UBE2J1: variants seen among roughly 807,000 people sequenced by gnomAD.
The protein encoded by UBE2J1 is ubiquitin-conjugating enzyme E2 J1.
In UBE2J1, 17 loss-of-function variants were observed where a neutral mutation model predicts 42.1. The ratio of observed to expected loss-of-function variants is 0.40; its 90% CI spans 0.28 to 0.61. The LOEUF (loss-of-function observed/expected upper bound fraction) is 0.61. UBE2J1 is among the 20% of genes least tolerant of loss of function. UBE2J1 has a pLI of 0.38. For synonymous variants in UBE2J1, 127 were observed against 137.2 expected (o/e 0.93, Z 0.52); for missense variants, 291 against 389.4 (o/e 0.75, Z 2.13).
chr6:89,331,349 A>AT (rs1450319661), intron 7 of UBE2J1, among the ~76,000 whole-genome samples: 2 of 152,264 alleles, frequency 1.3e-5, no homozygotes, highest in African/African-American at 4.8e-5. Context: ...AATAGTCTCA[A>AT]TTAATGACCT....
intron 1 of UBE2J1, among the ~76,000 whole-genome samples, chr6:89,349,114 G>C (rs1464390397): frequency 6.6e-6 from 1 of 152,156 alleles, no homozygotes; most frequent in Non-Finnish European, 1.5e-5. Context: ...GCACACACCT[G>C]TGGTCCCTGC....
intron 6 of UBE2J1, among the ~76,000 whole-genome samples, 160 bp from the exon 7 acceptor site, chr6:89,333,365 C>T (rs542259989): frequency 8.5e-5 from 13 of 152,298 alleles, no homozygotes; most frequent in Admixed American, 1.3e-4. Flanking sequence ...GTGTCCAACA[C>T]TGTACTAGGT....
intron 7 of UBE2J1, among the ~76,000 whole-genome samples, chr6:89,331,760 A>G (rs951808337): frequency 6.6e-6 from 1 of 152,232 alleles, no homozygotes; most frequent in Admixed American, 6.5e-5. Flanking sequence ...CATCACAAAC[A>G]TTAGGAGGCT....
At position 89,328,974 on chromosome 6, in the gene UBE2J1, C is replaced by T. The variant is rs1199591972; in HGVS notation, c.*705G>A. On this transcript the variant is annotated 3_prime_UTR_variant, in exon 8 of 8. Transcript: ENST00000435041. ...TTCTTCCTTAAAAATCTATGGAAGA[C>T]TGTTTTCTTTCTTTTTAAATTTGTG... 1 of 152,112 alleles carries T rather than the reference C, an allele frequency of 6.6e-6. No individual in the cohort carries two copies. The highest frequency in any genetic ancestry group is 1.9e-4 in the East Asian group (1 of 5,194). 9.4% of individuals were successfully genotyped at this position (152,112 alleles called of 1,614,324 possible). A position where few individuals can be genotyped will look rare whatever the true frequency, so the allele number is the denominator to read the frequency against.
chr6:89,343,569 A>G, intron 2 of UBE2J1, 114 bp downstream of exon 2: 1 of 602,896 alleles, frequency 1.7e-6, no homozygotes. Context: ...TGGTGAATAA[A>G]ACGTCAAACT....
intron 5 of UBE2J1, 111 bp downstream of exon 5, chr6:89,338,094 G>T: frequency 1.5e-6 from 1 of 686,546 alleles, no homozygotes; most frequent in Non-Finnish European, 2.4e-6. Context: ...AGATCCTGTA[G>T]CTACAGTCAC....
At chr6:89,337,313 CA>C (rs1422292169) in intron 5 of UBE2J1, among the ~76,000 whole-genome samples, 1 of 144,266 alleles carries the variant, frequency 6.9e-6, no homozygotes. Context: ...CGAATGAAAA[CA>C]AATACTATGT....
chr6:89,337,464 A>G (rs1768131900), intron 5 of UBE2J1, among the ~76,000 whole-genome samples: 1 of 152,182 alleles, frequency 6.6e-6, no homozygotes, highest in Non-Finnish European at 1.5e-5. Context: ...AATCTAACTG[A>G]TTTAGCAAAT....
At chr6:89,348,757 A>G (rs1768410001) in intron 1 of UBE2J1, among the ~76,000 whole-genome samples, 1 of 152,238 alleles carries the variant, frequency 6.6e-6, no homozygotes, top group Non-Finnish European at 1.5e-5. Context: ...ATGTACAAGT[A>G]TATATAGGAA....
At chr6:89,335,227 C>T (rs140676793) in intron 6 of UBE2J1, 75 bp downstream of exon 6, 7 of 1,338,004 alleles carry the variant, frequency 5.2e-6, no homozygotes, top group South Asian at 1.8e-5. Flanking sequence ...AACTGCATCG[C>T]TTTCCTTTCT....
intron 1 of UBE2J1, among the ~76,000 whole-genome samples, chr6:89,351,879 G>A (rs1768488327): frequency 6.6e-6 from 1 of 152,166 alleles, no homozygotes; most frequent in Admixed American, 6.5e-5. Context: ...TATAAAGCAG[G>A]ATCATTAAAT....
intron 7 of UBE2J1, among the ~76,000 whole-genome samples, chr6:89,332,199 G>C (rs551066340): frequency 6.6e-6 from 1 of 152,044 alleles, no homozygotes; most frequent in East Asian, 1.9e-4. Flanking sequence ...CAATAAACTG[G>C]AGAAACAACA....
intron 7 of UBE2J1, 112 bp from the exon 8 acceptor site, chr6:89,330,069 C>A: frequency 9.7e-7 from 1 of 1,033,266 alleles, no homozygotes; most frequent in Non-Finnish European, 1.4e-6. Flanking sequence ...CTAAGGGCAA[C>A]ACTACCAAGA....
At chr6:89,338,950 C>A (rs1245228137) in intron 3 of UBE2J1, among the ~76,000 whole-genome samples, 3 of 151,830 alleles carry the variant, frequency 2.0e-5, no homozygotes, top group African/African-American at 4.8e-5. Context: ...CAGGCATGAG[C>A]CACCGCGCCC....
At chr6:89,336,504 T>TA (rs1275924794) in intron 5 of UBE2J1, among the ~76,000 whole-genome samples, 9 of 149,480 alleles carry the variant, frequency 6.0e-5, no homozygotes, top group East Asian at 3.9e-4. Context: ...TTATTATTAT[T>TA]TTTTTTTTTG....
At chr6:89,345,719 C>T (rs1391445701) in intron 1 of UBE2J1, among the ~76,000 whole-genome samples, 2 of 151,952 alleles carry the variant, frequency 1.3e-5, no homozygotes, top group Admixed American at 6.6e-5. Flanking sequence ...ACCAGCCTGA[C>T]CAGCATAGTG....
In UBE2J1 at chr6:89,340,018, G is replaced by GA. The variant is rs1287071685; in HGVS notation, c.238-1476_238-1475insT. Reference sequence around the variant, plus strand: ...GTGACAGAGTGAGACCCTATCTCAAGTTAAAAAAAAAAAAAGAATCTAAAA... The same window carrying GA: ...GTGACAGAGTGAGACCCTATCTCAAGATTAAAAAAAAAAAAAGAATCTAAAA... On this transcript the variant is annotated intron_variant, in intron 3 of 7. Coordinates refer to ENST00000435041, the MANE Select transcript of UBE2J1 (RefSeq NM_016021.3). Among the ~76,000 whole-genome samples, 83 of 126,432 alleles carry GA rather than the reference G, an allele frequency of 6.6e-4. 1 individual carries two copies. The East Asian group carries it at 0.019, about 29-fold the overall frequency. 82.9% of individuals were successfully genotyped at this position (126,432 alleles called of 152,430 possible).
chr6:89,348,592 G>A (rs1203217026), intron 1 of UBE2J1, among the ~76,000 whole-genome samples: 2 of 152,156 alleles, frequency 1.3e-5, no homozygotes, highest in African/African-American at 4.8e-5. Flanking sequence ...TGCCCAGGAG[G>A]ACCCTGCAAA....
intron 1 of UBE2J1, among the ~76,000 whole-genome samples, chr6:89,347,984 T>C (rs1326217562): frequency 9.2e-5 from 14 of 152,268 alleles, no homozygotes; most frequent in Non-Finnish European, 1.9e-4. Flanking sequence ...CTCAGCAGAT[T>C]TCGCTGGCCT....
Sources: gnomAD v4.1 joint callset for allele counts (sites outside exome capture counted in the v4.1 genomes callset) on GRCh38, gnomAD v4.1.1 for gene constraint, MANE v1.5 for transcripts, NCBI Gene and HGNC (gene_info 2026-07-23, HGNC 2026-07-21) for gene names.